MYO6: variants seen among roughly 807,000 people sequenced by gnomAD.
MYO6 encodes unconventional myosin-VI.
Under a neutral mutation model 178.7 loss-of-function variants are expected in MYO6, and 74 were observed. That is an observed-to-expected ratio of 0.41 (90% CI 0.34 to 0.50). The LOEUF (loss-of-function observed/expected upper bound fraction) is 0.50, where lower values mean the gene tolerates loss of function less well. MYO6 is among the 20% of genes least tolerant of loss of function. The probability of loss-of-function intolerance (pLI) is 0.09; values close to 1 mark genes in which losing one functional copy is unlikely to be tolerated. For synonymous variants in MYO6, 477 were observed against 504.6 expected (o/e 0.95, Z 0.73); for missense variants, 1,330 against 1,547.4 (o/e 0.86, Z 2.36).
chr6:75,856,977 AC>A, intron 12 of MYO6, 119 bp from the exon 13 acceptor site: 1 of 903,176 alleles, frequency 1.1e-6, no homozygotes. Flanking sequence ...GCCTATTCTC[AC>A]ATGACCTTTG....
intron 10 of MYO6, among the ~76,000 whole-genome samples, chr6:75,847,446 T>C (rs1774831271): frequency 6.6e-6 from 1 of 152,116 alleles, no homozygotes; most frequent in Admixed American, 6.6e-5. Flanking sequence ...CTGGAAAATT[T>C]CTAGTACAAT....
chr6:75,798,258 G>GTTTTTGTTGAC (rs1769062822), intron 1 of MYO6, among the ~76,000 whole-genome samples: 1 of 152,102 alleles, frequency 6.6e-6, no homozygotes, highest in Admixed American at 6.6e-5. Flanking sequence ...CCTATTGCTT[G>GTTTTTGTTGAC]TTTTTGTTGA....
intron 9 of MYO6, among the ~76,000 whole-genome samples, chr6:75,842,251 T>C (rs1425651449): frequency 6.6e-6 from 1 of 152,054 alleles, no homozygotes; most frequent in Non-Finnish European, 1.5e-5. Context: ...GTAGAGTTTC[T>C]AGGAGCGGTG....
At chr6:75,874,666 A>C (rs544173586) in intron 20 of MYO6, among the ~76,000 whole-genome samples, 3 of 152,162 alleles carry the variant, frequency 2.0e-5, no homozygotes, top group African/African-American at 7.2e-5. Context: ...TTGTCATACT[A>C]TTCCCTTTCA....
intron 20 of MYO6, 33 bp from the exon 21 acceptor site, chr6:75,879,787 T>C (rs770879097): frequency 1.9e-6 from 3 of 1,614,014 alleles, no homozygotes; most frequent in Admixed American, 3.3e-5. Context: ...CGAACAGTGA[T>C]TGACAGTGCT....
intron 6 of MYO6, among the ~76,000 whole-genome samples, chr6:75,834,680 C>A (rs1056074849): frequency 1.3e-5 from 2 of 152,148 alleles, no homozygotes; most frequent in African/African-American, 2.4e-5. Context: ...GTGTTACTCC[C>A]ACAGAATTAT....
At chr6:75,841,096 T>C in intron 8 of MYO6, 118 bp from the exon 9 acceptor site, 1 of 993,316 alleles carries the variant, frequency 1.0e-6, no homozygotes, top group Non-Finnish European at 1.5e-6. Flanking sequence ...ATTTGGTGAA[T>C]ATTATAACCT....
intron 1 of MYO6, among the ~76,000 whole-genome samples, chr6:75,767,506 T>A (rs906924365): frequency 6.0e-5 from 9 of 151,190 alleles, no homozygotes; most frequent in African/African-American, 2.2e-4. Flanking sequence ...TAAATACACA[T>A]GATTTACAAA....
At chr6:75,901,695 T>C (rs541295471) in intron 30 of MYO6, among the ~76,000 whole-genome samples, 1 of 152,300 alleles carries the variant, frequency 6.6e-6, no homozygotes, top group African/African-American at 2.4e-5. Flanking sequence ...CTTCCTCTTT[T>C]CCTAATTGAA....
At chr6:75,817,735 G>A (rs1317712072) in intron 2 of MYO6, 71 bp downstream of exon 2, 6 of 1,312,368 alleles carry the variant, frequency 4.6e-6, no homozygotes, top group East Asian at 4.6e-5. Flanking sequence ...CAAGAGTAAG[G>A]TCTGTCTTCT....
chr6:75,880,461 G>A (rs1279670501), intron 22 of MYO6, among the ~76,000 whole-genome samples: 1 of 152,134 alleles, frequency 6.6e-6, no homozygotes. Flanking sequence ...CAACACTAAT[G>A]ATAGCTGATG....
intron 27 of MYO6, 137 bp from the exon 28 acceptor site, chr6:75,892,393 G>C: frequency 8.9e-7 from 1 of 1,123,574 alleles, no homozygotes; most frequent in East Asian, 2.4e-5. Flanking sequence ...AGACTGAAGA[G>C]ATCTGTGCTT....
At chr6:75,774,933 G>A (rs1363233913) in intron 1 of MYO6, among the ~76,000 whole-genome samples, 2 of 151,748 alleles carry the variant, frequency 1.3e-5, no homozygotes, top group African/African-American at 2.4e-5. Context: ...AGCTGGGATT[G>A]CAGGCACATG....
chr6:75,783,485 G>A (rs926400101), intron 1 of MYO6, among the ~76,000 whole-genome samples: 2 of 151,056 alleles, frequency 1.3e-5, no homozygotes, highest in East Asian at 3.9e-4. Flanking sequence ...CAGGGTAGAG[G>A]TCTTTATTTT....
chr6:75,830,698 C>T (rs1026180910), intron 5 of MYO6, among the ~76,000 whole-genome samples, 153 bp downstream of exon 5: 5 of 152,088 alleles, frequency 3.3e-5, no homozygotes, highest in African/African-American at 9.7e-5. Flanking sequence ...TTGTTAGGAG[C>T]AAGTATTTTA....
chr6:75,777,652 G>T lies in MYO6; in HGVS notation c.-48+28229G>T, dbSNP rs1371531520. On this transcript the variant is annotated intron_variant, in intron 1 of 34. Transcript: ENST00000369977. ...AGGTTTCGCTGTGTTGCCCAGGCTG[G>T]TCTCAAACTTTTGGGCTCAATCTGT... Among the ~76,000 whole-genome samples, 3 of 151,752 alleles carry T rather than the reference G, an allele frequency of 2.0e-5. No homozygotes were observed. In the East Asian group the frequency reaches 5.8e-4, roughly 29 times the overall value.
At chr6:75,778,574 G>A (rs1387952593) in intron 1 of MYO6, among the ~76,000 whole-genome samples, 2 of 151,472 alleles carry the variant, frequency 1.3e-5, no homozygotes, top group African/African-American at 4.9e-5. Flanking sequence ...TCCAGCCTGG[G>A]TGACAGAGCG....
intron 7 of MYO6, among the ~76,000 whole-genome samples, chr6:75,836,773 G>T (rs1364276224): frequency 6.6e-6 from 1 of 151,858 alleles, no homozygotes; most frequent in Non-Finnish European, 1.5e-5. Flanking sequence ...AGTAGAGATG[G>T]GGTTTCACCA....
At chr6:75,866,892 C>T (rs767960268) in intron 17 of MYO6, 40 bp from the exon 18 acceptor site, 2 of 1,599,150 alleles carry the variant, frequency 1.3e-6, no homozygotes, top group South Asian at 1.1e-5. Context: ...GATGTTATCA[C>T]AAGATGGACA....
Sources: allele counts gnomAD v4.1 joint callset (sites outside exome capture counted in the v4.1 genomes callset), GRCh38; gene constraint gnomAD v4.1.1; transcripts MANE v1.5; gene names NCBI Gene and HGNC (gene_info 2026-07-23, HGNC 2026-07-21).